Variants in LOC400499 observed in about 807,000 individuals in gnomAD.
the LOC400499 span, among the ~76,000 whole-genome samples, chr16:11,422,722 G>A: frequency 6.6e-6 from 1 of 152,178 alleles, no homozygotes. Context: ...GGTGGCAGTG[G>A]TGGGAGGCAG....
chr16:11,482,256 G>A, the LOC400499 span, among the ~76,000 whole-genome samples: 2 of 152,294 alleles, frequency 1.3e-5, no homozygotes, highest in East Asian at 1.9e-4. Flanking sequence ...GTGCAAGGAG[G>A]GGGAATGGAG....
the LOC400499 span, among the ~76,000 whole-genome samples, chr16:11,515,027 C>T: frequency 5.3e-4 from 80 of 152,138 alleles, no homozygotes; most frequent in East Asian, 0.014. Flanking sequence ...GACAGAGGGG[C>T]GGGCGTGGTG....
chr16:11,525,186 G>C, the LOC400499 span, among the ~76,000 whole-genome samples: 1 of 151,840 alleles, frequency 6.6e-6, no homozygotes, highest in Non-Finnish European at 1.5e-5. Context: ...CGTGGGAGGT[G>C]GGAGAATTGC....
chr16:11,506,500 G>C, the LOC400499 span, among the ~76,000 whole-genome samples: 415 of 152,270 alleles, frequency 2.7e-3, 4 homozygotes, highest in African/African-American at 9.6e-3. Flanking sequence ...CTTGTTCTCA[G>C]AACACCCAAG....
chr16:11,460,361 T>C, the LOC400499 span: 108 of 1,241,728 alleles, frequency 8.7e-5, 2 homozygotes, highest in East Asian at 5.1e-4. Context: ...CATTCCCATA[T>C]GGCTATGTGA....
the LOC400499 span, among the ~76,000 whole-genome samples, chr16:11,377,774 T>C: frequency 6.6e-6 from 1 of 152,366 alleles, no homozygotes; most frequent in East Asian, 1.9e-4. Flanking sequence ...CTCTGGTGCT[T>C]TGTCTGCCTT....
the LOC400499 span, among the ~76,000 whole-genome samples, chr16:11,456,487 G>T: frequency 6.6e-6 from 1 of 152,224 alleles, no homozygotes; most frequent in East Asian, 1.9e-4. Flanking sequence ...AGAGTGGGGT[G>T]GGACAAGGCT....
chr16:11,386,739 C>T, the LOC400499 span, among the ~76,000 whole-genome samples: 1 of 152,238 alleles, frequency 6.6e-6, no homozygotes, highest in Admixed American at 6.5e-5. Flanking sequence ...ACTTGCCTGG[C>T]CACACAGCAA....
the LOC400499 span, chr16:11,396,377 T>C: frequency 1.2e-5 from 10 of 839,056 alleles, no homozygotes; most frequent in Admixed American, 3.5e-4. Context: ...TCCAGAATGC[T>C]GGTTTGCAGT....
At chr16:11,503,442 C>T in the LOC400499 span, among the ~76,000 whole-genome samples, 1 of 152,170 alleles carries the variant, frequency 6.6e-6, no homozygotes, top group East Asian at 1.9e-4. Context: ...GCCACAGAAA[C>T]AGCAACAAGG....
chr16:11,441,942 G>A, the LOC400499 span, among the ~76,000 whole-genome samples: 9 of 152,286 alleles, frequency 5.9e-5, no homozygotes, highest in African/African-American at 2.2e-4. Context: ...TCAGAGATTC[G>A]TTATGGCAGC....
At chr16:11,405,409 C>A in the LOC400499 span, among the ~76,000 whole-genome samples, 2 of 152,296 alleles carry the variant, frequency 1.3e-5, no homozygotes, top group South Asian at 4.1e-4. Context: ...TCGAGATAGT[C>A]ACAGGACAGA....
chr16:11,470,266 C>A, the LOC400499 span, among the ~76,000 whole-genome samples: 1 of 152,136 alleles, frequency 6.6e-6, no homozygotes, highest in Non-Finnish European at 1.5e-5. Flanking sequence ...GCAAGCTCTG[C>A]ACTTCCTGGC....
At chr16:11,390,710 C>T in the LOC400499 span, among the ~76,000 whole-genome samples, 7 of 152,154 alleles carry the variant, frequency 4.6e-5, no homozygotes, top group African/African-American at 1.7e-4. Flanking sequence ...GGGTTCCCAC[C>T]AGTCCTAGAA....
chr16:11,505,743 C>T, the LOC400499 span, among the ~76,000 whole-genome samples: 296 of 151,972 alleles, frequency 1.9e-3, 2 homozygotes, highest in South Asian at 4.8e-3. Context: ...GCCACTGTGC[C>T]CGGCCTGTTT....
At chr16:11,436,235 G>A in the LOC400499 span, among the ~76,000 whole-genome samples, 8 of 152,298 alleles carry the variant, frequency 5.3e-5, no homozygotes, top group African/African-American at 1.9e-4. Flanking sequence ...GGGCTGGTGG[G>A]GGAAGCAGAG....
the LOC400499 span, among the ~76,000 whole-genome samples, chr16:11,511,827 G>A: frequency 1.3e-5 from 2 of 152,100 alleles, no homozygotes; most frequent in African/African-American, 2.4e-5. Context: ...AGGAGTTTGA[G>A]ACCAGCCTGG....
chr16:11,452,097 T>A, the LOC400499 span, among the ~76,000 whole-genome samples: 3 of 152,154 alleles, frequency 2.0e-5, no homozygotes, highest in Admixed American at 2.0e-4. Flanking sequence ...ATTTCATTCA[T>A]GTTCTTTCAA....
the LOC400499 span, among the ~76,000 whole-genome samples, chr16:11,516,620 A>G: frequency 2.0e-5 from 3 of 152,206 alleles, no homozygotes; most frequent in Non-Finnish European, 4.4e-5. Flanking sequence ...CTTAATCCCA[A>G]GGAGCTGAAG....
Sources: gnomAD v4.1 joint callset for allele counts (sites outside exome capture counted in the v4.1 genomes callset) on GRCh38, gnomAD v4.1.1 for gene constraint, MANE v1.5 for transcripts.